Variants in RBFOX1 observed in about 807,000 individuals in gnomAD.
RBFOX1 encodes RNA binding protein fox-1 homolog 1.
Under a neutral mutation model 57.7 loss-of-function variants are expected in RBFOX1, and 8 were observed. The observed-to-expected ratio is 0.14, with a 90% confidence interval of 0.08 to 0.25. The LOEUF is 0.25. Among genes scored for constraint, RBFOX1 ranks in the 10% least tolerant of loss-of-function variants. The probability of loss-of-function intolerance (pLI) is 1.00; values close to 1 mark genes in which losing one functional copy is unlikely to be tolerated. For missense variants in RBFOX1, 611 were observed against 548.5 expected (o/e 1.11, Z -1.14); for synonymous variants, 326 against 222.4 (o/e 1.47, Z -4.15).
chr16:7,104,163 C>A (rs1195975628), intron 4 of RBFOX1, among the ~76,000 whole-genome samples: 1 of 152,100 alleles, frequency 6.6e-6, no homozygotes, highest in South Asian at 2.1e-4. Context: ...TAAGTAATAA[C>A]AAAGTAGCAT....
At chr16:7,415,201 A>T (rs987987309) in intron 4 of RBFOX1, among the ~76,000 whole-genome samples, 14 of 152,292 alleles carry the variant, frequency 9.2e-5, no homozygotes, top group Middle Eastern at 3.4e-3. Flanking sequence ...GTGCCTTCAA[A>T]TGTCCCAGAG....
chr16:5,879,530 A>C (rs1230592144), intron 4 of RBFOX1, among the ~76,000 whole-genome samples: 1 of 152,166 alleles, frequency 6.6e-6, no homozygotes, highest in Non-Finnish European at 1.5e-5. Flanking sequence ...GGGTTTCACC[A>C]TGTTGGCCTG....
intron 11 of RBFOX1, among the ~76,000 whole-genome samples, chr16:7,639,814 T>C (rs1398024073): frequency 6.6e-6 from 1 of 152,150 alleles, no homozygotes; most frequent in East Asian, 1.9e-4. Flanking sequence ...AACCCATGGA[T>C]TGAGGTGTTT....
At chr16:6,392,842 G>A (rs1208909034) in intron 2 of RBFOX1, among the ~76,000 whole-genome samples, 2 of 152,180 alleles carry the variant, frequency 1.3e-5, no homozygotes, top group African/African-American at 4.8e-5. Flanking sequence ...GTAAATATAT[G>A]CACAACTGAA....
chr16:7,105,394 A>C (rs927633186), intron 4 of RBFOX1, among the ~76,000 whole-genome samples: 11 of 150,700 alleles, frequency 7.3e-5, no homozygotes, highest in Admixed American at 1.3e-4. Flanking sequence ...TAAGTTCTTC[A>C]GTGGTGATTT....
intron 3 of RBFOX1, among the ~76,000 whole-genome samples, chr16:5,623,620 G>C (rs1438652087): frequency 6.6e-6 from 1 of 151,994 alleles, no homozygotes; most frequent in South Asian, 2.1e-4. Context: ...GCCTTCTTTT[G>C]TTCCCGCTAC....
chr16:6,787,249 C>A (rs764106790), intron 3 of RBFOX1, among the ~76,000 whole-genome samples: 1 of 152,106 alleles, frequency 6.6e-6, no homozygotes, highest in Non-Finnish European at 1.5e-5. Flanking sequence ...ATGCAGTTCC[C>A]TAACTGATCG....
intron 4 of RBFOX1, among the ~76,000 whole-genome samples, chr16:7,502,217 T>C (rs1428515839): frequency 6.6e-6 from 1 of 152,168 alleles, no homozygotes; most frequent in African/African-American, 2.4e-5. Context: ...TTTCTACAAG[T>C]GAGGCGAATG....
At chr16:7,099,932 G>T (rs1032941583) in intron 4 of RBFOX1, among the ~76,000 whole-genome samples, 1 of 152,052 alleles carries the variant, frequency 6.6e-6, no homozygotes, top group Non-Finnish European at 1.5e-5. Flanking sequence ...AGTTTGTGTT[G>T]ATGGTAATGG....
At chr16:7,071,465 T>C (rs149095373) in intron 4 of RBFOX1, among the ~76,000 whole-genome samples, 1 of 152,184 alleles carries the variant, frequency 6.6e-6, no homozygotes, top group East Asian at 1.9e-4. Context: ...ATGTATTACA[T>C]ACATATTATA....
intron 4 of RBFOX1, among the ~76,000 whole-genome samples, chr16:7,268,947 G>T (rs2095248024): frequency 6.8e-6 from 1 of 147,662 alleles, no homozygotes; most frequent in South Asian, 2.1e-4. Flanking sequence ...TGAGGCAGGA[G>T]AACCGCTTGA....
chr16:5,953,570 T>G (rs1461814444), intron 4 of RBFOX1, among the ~76,000 whole-genome samples: 1 of 152,094 alleles, frequency 6.6e-6, no homozygotes, highest in Non-Finnish European at 1.5e-5. Context: ...TAGCTCCCAC[T>G]TATGAGTGAG....
At chr16:7,154,604 C>A (rs1330480358) in intron 4 of RBFOX1, among the ~76,000 whole-genome samples, 1 of 151,706 alleles carries the variant, frequency 6.6e-6, no homozygotes, top group African/African-American at 2.4e-5. Context: ...TTAGAAGATA[C>A]TGAAAATAGT....
chr16:7,294,354 G>A (rs1568075031), intron 4 of RBFOX1, among the ~76,000 whole-genome samples: 1 of 152,012 alleles, frequency 6.6e-6, no homozygotes, highest in African/African-American at 2.4e-5. Flanking sequence ...TTTCAGGAAG[G>A]CTGCTATAGG....
At chr16:6,718,193 T>G (rs2065215717) in intron 3 of RBFOX1, among the ~76,000 whole-genome samples, 1 of 152,182 alleles carries the variant, frequency 6.6e-6, no homozygotes, top group Non-Finnish European at 1.5e-5. Flanking sequence ...CAGTAGAAAC[T>G]CACAACATGA....
intron 3 of RBFOX1, among the ~76,000 whole-genome samples, chr16:6,693,939 G>A (rs567221779): frequency 2.0e-5 from 3 of 152,328 alleles, no homozygotes; most frequent in African/African-American, 7.2e-5. Context: ...ATATGAAGTA[G>A]ACACTATTAT....
At chr16:5,887,765 C>T (rs905398138) in intron 4 of RBFOX1, among the ~76,000 whole-genome samples, 26 of 151,986 alleles carry the variant, frequency 1.7e-4, no homozygotes, top group Admixed American at 3.3e-4. Context: ...TTGGTTCACC[C>T]GAGGAGTCAG....
intron 1 of RBFOX1, among the ~76,000 whole-genome samples, chr16:6,142,040 G>A (rs79709932): frequency 0.017 from 2,188 of 127,216 alleles, 63 homozygotes; most frequent in African/African-American, 0.056. Context: ...GCCTGGGTGA[G>A]CTCAAAAGAA....
intron 2 of RBFOX1, among the ~76,000 whole-genome samples, chr16:6,593,261 G>T (rs1458132859): frequency 6.6e-6 from 1 of 152,150 alleles, no homozygotes; most frequent in Non-Finnish European, 1.5e-5. Context: ...TGCCCTACTG[G>T]ATCTCATGTA....
Sources: allele counts gnomAD v4.1 joint callset (sites outside exome capture counted in the v4.1 genomes callset), GRCh38; gene constraint gnomAD v4.1.1; transcripts MANE v1.5; gene names NCBI Gene and HGNC (gene_info 2026-07-23, HGNC 2026-07-21).